The following RYR2 variants were observed in gnomAD, a reference collection of about 807,000 sequenced individuals.
The protein encoded by RYR2 is cardiac muscle ryanodine receptor-calcium release channel.
Under a neutral mutation model 601.1 loss-of-function variants are expected in RYR2, and 227 were observed. The ratio of observed to expected loss-of-function variants is 0.38; its 90% CI spans 0.34 to 0.42. The LOEUF (loss-of-function observed/expected upper bound fraction) is 0.42. Among genes scored for constraint, RYR2 ranks in the 10% least tolerant of loss-of-function variants. The pLI is 1.00. For missense variants in RYR2, 4,646 were observed against 6,156.5 expected (o/e 0.75, Z 8.21); for synonymous variants, 2,223 against 2,175.1 (o/e 1.02, Z -0.61).
At chr1:237,691,769 A>G (rs1023995126) in intron 63 of RYR2, among the ~76,000 whole-genome samples, 3 of 152,194 alleles carry the variant, frequency 2.0e-5, no homozygotes, top group Admixed American at 6.5e-5. Flanking sequence ...GTCTAAATAT[A>G]GGCTTCCCTG....
At chr1:237,215,883 A>C (rs910149230) in intron 1 of RYR2, among the ~76,000 whole-genome samples, 19 of 152,180 alleles carry the variant, frequency 1.2e-4, no homozygotes, top group Non-Finnish European at 2.6e-4. Flanking sequence ...AAAGTCCTCC[A>C]AATATTTTTT....
At chr1:237,388,036 TC>T (rs1702082039) in intron 9 of RYR2, 50 bp from the exon 10 acceptor site, 1 of 1,500,836 alleles carries the variant, frequency 6.7e-7, no homozygotes, top group African/African-American at 1.4e-5. Flanking sequence ...TGTCTGGCTA[TC>T]AGCACCTGAC....
chr1:237,518,478 T>G (rs1469961814), intron 24 of RYR2, among the ~76,000 whole-genome samples: 2 of 152,184 alleles, frequency 1.3e-5, no homozygotes, highest in Admixed American at 6.5e-5. Flanking sequence ...GTGCACATTT[T>G]TTTAACACCC....
intron 16 of RYR2, among the ~76,000 whole-genome samples, chr1:237,467,737 G>A (rs1283754148): frequency 6.6e-6 from 1 of 152,086 alleles, no homozygotes; most frequent in African/African-American, 2.4e-5. Flanking sequence ...ACATCTTTAA[G>A]TTTAATTGTA....
At chr1:237,497,627 T>A (rs1664211524) in intron 20 of RYR2, among the ~76,000 whole-genome samples, 1 of 152,214 alleles carries the variant, frequency 6.6e-6, no homozygotes, top group African/African-American at 2.4e-5. Flanking sequence ...AAGCTGAACT[T>A]TGCCTCATGT....
At chr1:237,502,425 C>G (rs1664735969) in intron 21 of RYR2, among the ~76,000 whole-genome samples, 2 of 152,090 alleles carry the variant, frequency 1.3e-5, no homozygotes, top group Admixed American at 6.6e-5. Context: ...GCAGCAGTCC[C>G]CAACCTTTTT....
chr1:237,783,566 A>G, intron 89 of RYR2, 109 bp from the exon 90 acceptor site: 1 of 661,782 alleles, frequency 1.5e-6, no homozygotes, highest in Non-Finnish European at 2.6e-6. Flanking sequence ...AGAGATAAAC[A>G]GGGACATATC....
chr1:237,369,451 G>A, intron 5 of RYR2, 83 bp from the exon 6 acceptor site: 1 of 1,169,016 alleles, frequency 8.6e-7, no homozygotes, highest in Admixed American at 2.0e-5. Flanking sequence ...TCCTTTGAGA[G>A]CAAGAGAGTA....
At chr1:237,420,782 C>G (rs1264675227) in intron 11 of RYR2, among the ~76,000 whole-genome samples, 3 of 152,082 alleles carry the variant, frequency 2.0e-5, no homozygotes, top group African/African-American at 7.2e-5. Flanking sequence ...AAATTTTGTG[C>G]TGTTTTGAAA....
rs527812382 is a variant in RYR2, at chr1:237,177,054, T to C, written c.49-93443T>C. Among the ~76,000 whole-genome samples, 37 of 152,348 alleles carry C rather than the reference T, an allele frequency of 2.4e-4. No homozygotes were observed. The South Asian group carries it at 7.2e-3, about 30-fold the overall frequency. On this transcript the variant is annotated intron_variant, in intron 1 of 104. Coordinates refer to ENST00000366574, the MANE Select transcript of RYR2 (RefSeq NM_001035.3). Reference sequence around the variant, plus strand: ...AAACAAAAACGTTGACTTTAGTCTATGTTGTATTACTGTTGGAAATATTAC... The same window carrying C: ...AAACAAAAACGTTGACTTTAGTCTACGTTGTATTACTGTTGGAAATATTAC...
At chr1:237,250,189 G>A (rs1050972875) in intron 1 of RYR2, among the ~76,000 whole-genome samples, 9 of 152,180 alleles carry the variant, frequency 5.9e-5, no homozygotes, top group South Asian at 4.2e-4. Context: ...TGCTCCCAGC[G>A]TGGCTCTTGC....
At chr1:237,674,877 C>T (rs752438155) in intron 60 of RYR2, 31 bp downstream of exon 60, 1 of 1,225,360 alleles carries the variant, frequency 8.2e-7, no homozygotes, top group East Asian at 2.3e-5. Context: ...GCTAATAGCC[C>T]AGTGTTTGTT....
chr1:237,086,347 G>A (rs1009861742), intron 1 of RYR2, among the ~76,000 whole-genome samples: 1 of 152,042 alleles, frequency 6.6e-6, no homozygotes, highest in African/African-American at 2.4e-5. Context: ...TATTGGATGA[G>A]GGCTCACCCT....
At chr1:237,099,611 G>A (rs1360537372) in intron 1 of RYR2, among the ~76,000 whole-genome samples, 11 of 152,096 alleles carry the variant, frequency 7.2e-5, no homozygotes, top group Non-Finnish European at 1.6e-4. Flanking sequence ...AATGTACAAG[G>A]AAAAATGATA....
chr1:237,498,203 A>G (rs1468788734), intron 20 of RYR2, among the ~76,000 whole-genome samples: 1 of 152,048 alleles, frequency 6.6e-6, no homozygotes, highest in African/African-American at 2.4e-5. Context: ...AAAGGTATAT[A>G]TATATTTATG....
chr1:237,506,575 A>G (rs916572758), intron 22 of RYR2, 135 bp from the exon 23 acceptor site: 6 of 548,640 alleles, frequency 1.1e-5, no homozygotes, highest in East Asian at 3.1e-5. Flanking sequence ...CGTGAAATAG[A>G]TGGCTTAGAA....
At chr1:237,618,543 A>G (rs1678733179) in intron 38 of RYR2, among the ~76,000 whole-genome samples, 1 of 152,170 alleles carries the variant, frequency 6.6e-6, no homozygotes, top group Non-Finnish European at 1.5e-5. Flanking sequence ...TTTGAAGCTA[A>G]AGAAGACGAC....
chr1:237,193,737 CACTGATGTCAAA>C (rs1680264553), intron 1 of RYR2, among the ~76,000 whole-genome samples: 1 of 152,118 alleles, frequency 6.6e-6, no homozygotes, highest in Non-Finnish European at 1.5e-5. Flanking sequence ...TGCATATTTC[CACTGATGTCAAA>C]ACTGATGATC....
At chr1:237,648,646 T>C (rs2148790538) in intron 49 of RYR2, 33 bp downstream of exon 49, 1 of 1,591,414 alleles carries the variant, frequency 6.3e-7, no homozygotes, top group Non-Finnish European at 8.6e-7. Flanking sequence ...CCTCCTCTCT[T>C]GACTCTTCAC....
Sources: gnomAD v4.1 joint callset for allele counts (sites outside exome capture counted in the v4.1 genomes callset) on GRCh38, gnomAD v4.1.1 for gene constraint, MANE v1.5 for transcripts, NCBI Gene and HGNC (gene_info 2026-07-23, HGNC 2026-07-21) for gene names.